GNAQ: variants seen among roughly 807,000 people sequenced by gnomAD.
The protein encoded by GNAQ is G protein subunit alpha q.
GNAQ carries 8 observed loss-of-function variants against 43.9 expected under a neutral mutation model. That is an observed-to-expected ratio of 0.18 (90% CI 0.11 to 0.33). The LOEUF is 0.33. GNAQ is among the 10% of genes least tolerant of loss of function. The pLI, the probability that GNAQ is intolerant of heterozygous loss-of-function variation, is 1.00. For missense variants in GNAQ, 158 were observed against 450.8 expected (o/e 0.35, Z 5.88); for synonymous variants, 155 against 170.7 (o/e 0.91, Z 0.71).
chr9:77,989,457 G>C (rs1161057904), intron 1 of GNAQ, among the ~76,000 whole-genome samples: 1 of 152,226 alleles, frequency 6.6e-6, no homozygotes. Context: ...GTGAGACTCA[G>C]GGAAGAACTG....
intron 5 of GNAQ, among the ~76,000 whole-genome samples, chr9:77,748,523 C>T (rs569716338): frequency 1.2e-4 from 18 of 152,310 alleles, no homozygotes; most frequent in African/African-American, 4.3e-4. Context: ...TAAATTGCCT[C>T]CCATTAAGAC....
intron 5 of GNAQ, among the ~76,000 whole-genome samples, chr9:77,779,700 AAGAG>A (rs1211849847): frequency 7.5e-6 from 1 of 133,718 alleles, no homozygotes; most frequent in Non-Finnish European, 1.7e-5. Context: ...AAAAAAAAAA[AAGAG>A]AAGGCACAAA....
At chr9:77,860,117 A>C (rs1201184348) in intron 2 of GNAQ, among the ~76,000 whole-genome samples, 1 of 152,218 alleles carries the variant, frequency 6.6e-6, no homozygotes, top group African/African-American at 2.4e-5. Context: ...CTGAGATTTC[A>C]TATTAAAGCT....
At chr9:77,795,801 C>T (rs1826648910) in intron 4 of GNAQ, among the ~76,000 whole-genome samples, 1 of 152,174 alleles carries the variant, frequency 6.6e-6, no homozygotes. Flanking sequence ...CTCTGTCACA[C>T]TGGGCCGTAA....
chr9:77,829,862 A>C (rs1827268549), intron 2 of GNAQ, among the ~76,000 whole-genome samples: 1 of 152,182 alleles, frequency 6.6e-6, no homozygotes. Flanking sequence ...GCTGAACATC[A>C]GCATCACCTG....
intron 1 of GNAQ, among the ~76,000 whole-genome samples, chr9:77,967,950 A>T (rs1248084287): frequency 1.3e-5 from 2 of 152,210 alleles, no homozygotes; most frequent in Non-Finnish European, 2.9e-5. Context: ...ATTGCACTCC[A>T]GCCTGGGCAA....
At chr9:77,803,023 C>T (rs76872537) in intron 3 of GNAQ, among the ~76,000 whole-genome samples, 17,603 of 152,046 alleles carry the variant, frequency 0.12, 1,081 homozygotes, top group East Asian at 0.25. Context: ...CCACAAGTGC[C>T]TTTGTCCACG....
chr9:77,940,058 T>C (rs934075156), intron 1 of GNAQ, among the ~76,000 whole-genome samples: 17 of 152,156 alleles, frequency 1.1e-4, no homozygotes, highest in African/African-American at 3.9e-4. Context: ...TAAACCACAA[T>C]AGTCCTAGGC....
At chr9:77,811,010 G>C (rs577711301) in intron 3 of GNAQ, among the ~76,000 whole-genome samples, 1 of 151,998 alleles carries the variant, frequency 6.6e-6, no homozygotes, top group Non-Finnish European at 1.5e-5. Context: ...TTTTTAAGTC[G>C]CTTGCACTGA....
chr9:77,728,671 GAAAA>G lies in GNAQ; in HGVS notation c.736-8_736-5del. 5.3e-6 allele frequency: 7 copies of G among 1,328,428 alleles called. No individual in the cohort carries two copies. Among genetic ancestry groups the G allele is most frequent in the Non-Finnish European group, 4.1e-6 (4 of 967,074 alleles). The allele number at this position is 1,328,428 out of a possible 1,614,324, so 82.3% of individuals were successfully genotyped here. Reference sequence around the variant, plus strand: ...CCTTGCTTTCCTCCATTCGGTTCTGGAAAAAAAAAAAAAATCAGAAAAAACAAGG... The same window carrying G: ...CCTTGCTTTCCTCCATTCGGTTCTGGAAAAAAAAAATCAGAAAAAACAAGG... On this transcript the variant is annotated splice_polypyrimidine_tract_variant and splice_region_variant and intron_variant, in intron 5 of 6. Transcript: ENST00000286548.
intron 1 of GNAQ, among the ~76,000 whole-genome samples, chr9:78,003,507 C>T (rs756006906): frequency 6.6e-6 from 1 of 152,092 alleles, no homozygotes; most frequent in African/African-American, 2.4e-5. Context: ...TTATCTTAGA[C>T]ACTGAGACTA....
chr9:77,778,895 A>G (rs989934660), intron 5 of GNAQ, among the ~76,000 whole-genome samples: 2 of 151,978 alleles, frequency 1.3e-5, no homozygotes, highest in Non-Finnish European at 2.9e-5. Flanking sequence ...CTTAATGTGT[A>G]TATCCCTAAC....
chr9:78,023,995 A>C (rs1162328534), intron 1 of GNAQ, among the ~76,000 whole-genome samples: 1 of 134,884 alleles, frequency 7.4e-6, no homozygotes, highest in African/African-American at 2.6e-5. Flanking sequence ...TTCGTTCCCA[A>C]CTGCACCACA....
In GNAQ at chr9:77,718,260, C is replaced by T; in HGVS notation, c.*3063G>A. ...GGCACACGCTTATAACGCTTGCAAT[C>T]ACAATATAATATAAAGCATGAGTAA... On this transcript the variant is annotated 3_prime_UTR_variant, in exon 7 of 7. Coordinates refer to ENST00000286548, the MANE Select transcript of GNAQ (RefSeq NM_002072.5). 4.3e-6 allele frequency: 1 copy of T among 232,680 alleles called. No homozygotes were observed. The highest frequency in any genetic ancestry group is 8.5e-6 in the Non-Finnish European group (1 of 117,664). The allele number at this position is 232,680 out of a possible 1,614,324, so 14.4% of individuals were successfully genotyped here. A position where few individuals can be genotyped will look rare whatever the true frequency, so the allele number is the denominator to read the frequency against.
chr9:77,874,351 T>C (rs565918254), intron 2 of GNAQ, among the ~76,000 whole-genome samples: 2 of 152,278 alleles, frequency 1.3e-5, no homozygotes, highest in African/African-American at 4.8e-5. Context: ...ACATGAACTC[T>C]TGGGGCACTG....
chr9:77,995,374 T>C (rs1023306058), intron 1 of GNAQ, among the ~76,000 whole-genome samples: 7 of 152,160 alleles, frequency 4.6e-5, no homozygotes, highest in East Asian at 1.9e-4. Context: ...AGAATTACAA[T>C]TGGTACAACT....
At chr9:77,903,582 G>A (rs1397105040) in intron 2 of GNAQ, among the ~76,000 whole-genome samples, 1 of 152,160 alleles carries the variant, frequency 6.6e-6, no homozygotes, top group African/African-American at 2.4e-5. Context: ...ACTCCTTCCA[G>A]GCAGGCTCTA....
intron 3 of GNAQ, among the ~76,000 whole-genome samples, chr9:77,799,037 C>T (rs1826702722): frequency 6.6e-6 from 1 of 152,140 alleles, no homozygotes; most frequent in South Asian, 2.1e-4. Context: ...TCTTTTATTC[C>T]ATTCATGTTT....
chr9:77,930,797 C>T (rs1348300652), intron 1 of GNAQ, among the ~76,000 whole-genome samples: 2 of 152,006 alleles, frequency 1.3e-5, no homozygotes, highest in African/African-American at 4.8e-5. Flanking sequence ...ATATATGAAG[C>T]ATATTAAGTG....
Sources: gnomAD v4.1 joint callset for allele counts (sites outside exome capture counted in the v4.1 genomes callset) on GRCh38, gnomAD v4.1.1 for gene constraint, MANE v1.5 for transcripts, NCBI Gene and HGNC (gene_info 2026-07-23, HGNC 2026-07-21) for gene names.